LETMD1: variants seen among roughly 807,000 people sequenced by gnomAD.
LETMD1 encodes the protein LETM1 domain-containing protein 1.
LETMD1 carries 30 observed loss-of-function variants against 43.9 expected under a neutral mutation model. The observed-to-expected ratio is 0.68, with a 90% confidence interval of 0.51 to 0.93. The LOEUF (loss-of-function observed/expected upper bound fraction) is 0.93. LETMD1 is among the 40% of genes least tolerant of loss of function. The probability of loss-of-function intolerance (pLI) is 0.00; values close to 1 mark genes in which losing one functional copy is unlikely to be tolerated. For synonymous variants in LETMD1, 176 were observed against 163.1 expected, an observed-to-expected ratio of 1.08 and a Z score of -0.60; for missense variants, 413 against 447.7, an observed-to-expected ratio of 0.92 and a Z score of 0.70.
chr12:51,049,419 TAGG>T, intron 2 of LETMD1: 1 of 453,916 alleles, frequency 2.2e-6, no homozygotes, highest in Non-Finnish European at 4.0e-6. Flanking sequence ...AGGGAGAATA[TAGG>T]TATGTTCTCG....
downstream of LETMD1, chr12:51,064,021 A>T (rs1165653735): frequency 6.2e-7 from 1 of 1,614,200 alleles, no homozygotes; most frequent in Admixed American, 1.7e-5. Context: ...ACAGGGAGAG[A>T]GAAGACATTC....
chr12:51,056,568 AG>A, intron 7 of LETMD1, 66 bp downstream of exon 7: 1 of 1,507,570 alleles, frequency 6.6e-7, no homozygotes, highest in South Asian at 1.1e-5. Flanking sequence ...GGCAGGCCGG[AG>A]GTTTACAGGG....
chr12:51,056,443 C>A lies in LETMD1; in HGVS notation c.856C>A (p.Leu286Met). 1 of 1,614,192 alleles carries A rather than the reference C, an allele frequency of 6.2e-7. No individual in the cohort carries two copies. The highest frequency in any genetic ancestry group is 8.5e-7 in the Non-Finnish European group (1 of 1,180,036). Residue 286 changes from leucine (L) to methionine (M), a missense_variant, in exon 7 of 9, where the codon CTG becomes ATG. Physicochemically the swap from Leu to Met is conservative, Grantham distance 15. Coordinates refer to ENST00000262055, the MANE Select transcript of LETMD1 (RefSeq NM_015416.5). The stretch of plus-strand genomic sequence containing the variant: ...GACTCATACAACTGTGATTCACCAA[C>A]TGGACAAGGCTTTGGCAAAGCTGGG... ...LKTHTTVIHQ[L>M]DKALAKLGIG...
downstream of LETMD1, chr12:51,064,333 G>C (rs1465365651): frequency 6.2e-7 from 1 of 1,614,056 alleles, no homozygotes; most frequent in Non-Finnish European, 8.5e-7. Context: ...CTCGAGTCCA[G>C]GCTGGCACTA....
At chr12:51,051,792 TGAA>T (rs1441422428) in intron 2 of LETMD1, among the ~76,000 whole-genome samples, 2 of 152,190 alleles carry the variant, frequency 1.3e-5, no homozygotes, top group East Asian at 3.8e-4. Context: ...CAAGACTTTC[TGAA>T]GTTAGGGAGC....
downstream of LETMD1, chr12:51,061,670 A>G (rs1329007886): frequency 6.6e-6 from 1 of 152,338 alleles, no homozygotes; most frequent in Non-Finnish European, 1.5e-5. Context: ...GTTTTCAGAA[A>G]CATATCTTGT....
At chr12:51,055,692 TGAAAAA>T (rs1947482834) in intron 4 of LETMD1, 137 bp from the exon 5 acceptor site, 4 of 294,762 alleles carry the variant, frequency 1.4e-5, no homozygotes, top group Non-Finnish European at 1.9e-5. Flanking sequence ...AAAAAAAAAC[TGAAAAA>T]GAAAAAGAAC....
chr12:51,057,685 G>A, intron 7 of LETMD1: 1 of 316,234 alleles, frequency 3.2e-6, no homozygotes, highest in Non-Finnish European at 6.1e-6. Context: ...GAGTGCAGTG[G>A]CATGATCTTG....
intron 3 of LETMD1, 123 bp from the exon 4 acceptor site, chr12:51,053,655 A>T: frequency 1.5e-6 from 1 of 679,990 alleles, no homozygotes; most frequent in African/African-American, 1.8e-5. Flanking sequence ...AAAGAAAAAG[A>T]AAGAAATTTG....
downstream of LETMD1, chr12:51,064,063 C>G (rs555092432): frequency 9.9e-6 from 16 of 1,614,208 alleles, no homozygotes; most frequent in South Asian, 1.6e-4. Context: ...GAGGCTGAGC[C>G]TTCTTCCGTA....
At chr12:51,053,430 G>A (rs1326140039) in intron 3 of LETMD1, among the ~76,000 whole-genome samples, 3 of 152,206 alleles carry the variant, frequency 2.0e-5, no homozygotes, top group Non-Finnish European at 4.4e-5. Flanking sequence ...ATCACTGGAG[G>A]TCAGGAGATT....
In LETMD1 at chr12:51,053,778, T is replaced by G; in HGVS notation, c.391T>G (p.Phe131Val). Residue 131 changes from phenylalanine to valine, a missense_variant and splice_region_variant, in exon 4 of 9, where the codon TTC becomes GTC. Physicochemically the swap from Phe to Val is conservative, Grantham distance 50 (BLOSUM62 -1). Transcript: ENST00000262055. ...TGCATCTGTGTTTATTTCTGCTTAG[T>G]TCCGCCAAGACGTCACCAAGTGTCT... ...PYREMEHLRQ[F>V]RQDVTKCLFL... The G allele has an allele frequency of 6.2e-7, 1 of 1,609,114 alleles. No individual in the cohort carries two copies. Among genetic ancestry groups the G allele is most frequent in the Non-Finnish European group, 8.5e-7 (1 of 1,177,612 alleles).
At chr12:51,068,694 G>A in the LETMD1 span, among the ~76,000 whole-genome samples, 1 of 152,050 alleles carries the variant, frequency 6.6e-6, no homozygotes, top group Non-Finnish European at 1.5e-5. Flanking sequence ...AGAGGAAAAG[G>A]TATGTGAATG....
chr12:51,050,528 A>G (rs1419899775), intron 2 of LETMD1, among the ~76,000 whole-genome samples: 1 of 151,760 alleles, frequency 6.6e-6, no homozygotes, highest in African/African-American at 2.4e-5. Flanking sequence ...GCCAACTATT[A>G]TGGAAATTTT....
intron 3 of LETMD1, 40 bp downstream of exon 3, chr12:51,052,247 G>A (rs1225704576): frequency 1.2e-6 from 2 of 1,606,922 alleles, no homozygotes; most frequent in Admixed American, 1.7e-5. Flanking sequence ...TCATGGTGAG[G>A]TAATTACATT....
chr12:51,054,468 A>T (rs929574852), intron 4 of LETMD1, among the ~76,000 whole-genome samples: 3 of 151,992 alleles, frequency 2.0e-5, no homozygotes, highest in Non-Finnish European at 4.4e-5. Flanking sequence ...GTCCAATATC[A>T]CTCTTATGTC....
the LETMD1 span, among the ~76,000 whole-genome samples, chr12:51,066,077 C>T: frequency 1.3e-5 from 2 of 151,984 alleles, no homozygotes; most frequent in Non-Finnish European, 2.9e-5. Context: ...CCCAGTACTT[C>T]GGGAGGCTGA....
chr12:51,064,395 T>G, downstream of LETMD1: 1 of 1,614,142 alleles, frequency 6.2e-7, no homozygotes, highest in Non-Finnish European at 8.5e-7. Flanking sequence ...CTCTGCACTC[T>G]GCAGGTGCAT....
chr12:51,052,228 T>C (rs765867876), intron 3 of LETMD1, 21 bp downstream of exon 3: 12 of 1,612,346 alleles, frequency 7.4e-6, no homozygotes, highest in East Asian at 6.7e-5. Context: ...GGGGCAGATA[T>C]CCAGAAGTTC....
Sources: allele counts gnomAD v4.1 joint callset (sites outside exome capture counted in the v4.1 genomes callset), GRCh38; gene constraint gnomAD v4.1.1; transcripts MANE v1.5; gene names NCBI Gene and HGNC (gene_info 2026-07-23, HGNC 2026-07-21).